AOAH: variants seen among roughly 807,000 people sequenced by gnomAD.
AOAH encodes acyloxyacyl hydrolase (neutrophil).
AOAH carries 64 observed loss-of-function variants against 92.2 expected under a neutral mutation model. The ratio of observed to expected loss-of-function variants is 0.69; its 90% CI spans 0.57 to 0.86. The LOEUF (loss-of-function observed/expected upper bound fraction) is 0.86. Among genes scored for constraint, AOAH ranks in the 40% least tolerant of loss-of-function variants. The pLI is 0.00. For missense variants in AOAH, 656 were observed against 694.6 expected, an observed-to-expected ratio of 0.94 and a Z score of 0.62; for synonymous variants, 263 against 254.5, an observed-to-expected ratio of 1.03 and a Z score of -0.32.
intron 10 of AOAH, among the ~76,000 whole-genome samples, chr7:36,617,241 A>G (rs549271425): frequency 6.6e-6 from 1 of 152,338 alleles, no homozygotes; most frequent in South Asian, 2.1e-4. Context: ...GGCCACAGAA[A>G]TGGGGACTGA....
intron 4 of AOAH, among the ~76,000 whole-genome samples, chr7:36,641,636 C>T (rs1793928329): frequency 2.0e-5 from 3 of 152,184 alleles, no homozygotes; most frequent in Admixed American, 2.0e-4. Context: ...TCCTAGCTTT[C>T]GGGCCGAGCT....
At chr7:36,554,397 T>A (rs1442766908) in intron 13 of AOAH, among the ~76,000 whole-genome samples, 1 of 152,256 alleles carries the variant, frequency 6.6e-6, no homozygotes, top group East Asian at 1.9e-4. Flanking sequence ...CCTTGTAGTA[T>A]AGTTTGAAGT....
intron 1 of AOAH, among the ~76,000 whole-genome samples, chr7:36,722,704 G>C (rs1192192125): frequency 6.6e-6 from 1 of 151,858 alleles, no homozygotes; most frequent in African/African-American, 2.4e-5. Flanking sequence ...GGGAGCCAAG[G>C]GGGGCGGATC....
At chr7:36,547,510 C>T (rs1400279455) in intron 15 of AOAH, among the ~76,000 whole-genome samples, 1 of 152,174 alleles carries the variant, frequency 6.6e-6, no homozygotes, top group African/African-American at 2.4e-5. Flanking sequence ...CAGGATGGCC[C>T]ACTTCTAGCA....
At chr7:36,714,837 A>T (rs1053307871) in intron 1 of AOAH, among the ~76,000 whole-genome samples, 4 of 152,234 alleles carry the variant, frequency 2.6e-5, no homozygotes, top group African/African-American at 9.6e-5. Context: ...TCAAAATAAT[A>T]AGAGCTATCT....
intron 12 of AOAH, among the ~76,000 whole-genome samples, chr7:36,587,132 T>C (rs978118633): frequency 1.3e-5 from 2 of 151,360 alleles, no homozygotes; most frequent in African/African-American, 2.4e-5. Flanking sequence ...ATTAGATGGG[T>C]GTGGCAGCGT....
chr7:36,641,539 T>C (rs1424914875), intron 4 of AOAH, among the ~76,000 whole-genome samples: 4 of 152,316 alleles, frequency 2.6e-5, no homozygotes, highest in Admixed American at 2.0e-4. Context: ...AAAGACTAAA[T>C]AGAGACTAAG....
intron 18 of AOAH, 160 bp from the exon 19 acceptor site, chr7:36,530,674 C>T (rs536378674): frequency 2.2e-4 from 123 of 557,456 alleles, no homozygotes; most frequent in Admixed American, 3.8e-4. Flanking sequence ...ATTCTAGTCA[C>T]GTACAAATGG....
At chr7:36,540,904 G>T (rs535032725) in intron 15 of AOAH, among the ~76,000 whole-genome samples, 1 of 152,300 alleles carries the variant, frequency 6.6e-6, no homozygotes, top group East Asian at 1.9e-4. Flanking sequence ...AACATTTGTT[G>T]CTTTATGCTA....
chr7:36,532,764 C>T (rs1012571790), intron 16 of AOAH, among the ~76,000 whole-genome samples: 5 of 152,166 alleles, frequency 3.3e-5, no homozygotes, highest in East Asian at 1.9e-4. Context: ...TTCGAGGTGG[C>T]GGTTGACCTA....
At chr7:36,559,930 C>A (rs1394740109) in intron 13 of AOAH, among the ~76,000 whole-genome samples, 1 of 152,090 alleles carries the variant, frequency 6.6e-6, no homozygotes, top group Non-Finnish European at 1.5e-5. Context: ...GATAGGGGTC[C>A]AATTTTATTC....
At chr7:36,550,355 T>TC (rs1286846259) in intron 13 of AOAH, 2 of 139,978 alleles carry the variant, frequency 1.4e-5, no homozygotes, top group Admixed American at 7.1e-5. Context: ...GAGACTTGTC[T>TC]CAAAAAAAAA....
chr7:36,720,453 A>G (rs4620192), intron 1 of AOAH, among the ~76,000 whole-genome samples: 52,902 of 151,792 alleles, frequency 0.35, 10,070 homozygotes, highest in East Asian at 0.52. Context: ...TTACAGGCGT[A>G]AGCCACCACA....
chr7:36,717,112 G>A (rs1283267057), intron 1 of AOAH, among the ~76,000 whole-genome samples: 3 of 152,088 alleles, frequency 2.0e-5, no homozygotes, highest in Non-Finnish European at 4.4e-5. Context: ...GGGGATCTTG[G>A]GGCTTTCCAC....
At chr7:36,703,306 C>T (rs571912541) in intron 1 of AOAH, among the ~76,000 whole-genome samples, 2 of 152,092 alleles carry the variant, frequency 1.3e-5, no homozygotes, top group African/African-American at 2.4e-5. Flanking sequence ...AATGGTAAAT[C>T]CTTTCCAGAA....
intron 13 of AOAH, among the ~76,000 whole-genome samples, chr7:36,569,426 T>G (rs1419387590): frequency 6.6e-6 from 1 of 152,152 alleles, no homozygotes; most frequent in African/African-American, 2.4e-5. Context: ...GAGTCTTGTT[T>G]ACTTTAGAGG....
chr7:36,591,395 A>C (rs1180051808), intron 12 of AOAH, among the ~76,000 whole-genome samples: 1 of 152,212 alleles, frequency 6.6e-6, no homozygotes, highest in East Asian at 1.9e-4. Flanking sequence ...ACCGAATATA[A>C]AAAGGTACTA....
intron 20 of AOAH, 68 bp downstream of exon 20, chr7:36,521,971 T>C: frequency 7.6e-7 from 1 of 1,318,364 alleles, no homozygotes; most frequent in East Asian, 2.3e-5. Flanking sequence ...CACATGAATG[T>C]GTAACCATAA....
chr7:36,679,339 A>G (rs947862994), intron 2 of AOAH, among the ~76,000 whole-genome samples: 2 of 151,040 alleles, frequency 1.3e-5, no homozygotes, highest in Non-Finnish European at 3.0e-5. Context: ...CTCAAAAAAA[A>G]AAGAATCTTT....
Sources: gnomAD v4.1 joint callset for allele counts (sites outside exome capture counted in the v4.1 genomes callset) on GRCh38, gnomAD v4.1.1 for gene constraint, MANE v1.5 for transcripts, NCBI Gene and HGNC (gene_info 2026-07-23, HGNC 2026-07-21) for gene names.